Variants in SLC6A11 observed in about 807,000 individuals in gnomAD.
SLC6A11 encodes the protein sodium- and chloride-dependent GABA transporter 3.
SLC6A11 carries 25 observed loss-of-function variants against 74.8 expected under a neutral mutation model. The ratio of observed to expected loss-of-function variants is 0.33; its 90% confidence interval spans 0.24 to 0.47. The LOEUF (loss-of-function observed/expected upper bound fraction) is 0.47. Ranked by LOEUF, SLC6A11 falls within the 20% of genes least tolerant of loss-of-function variation. SLC6A11 has a pLI of 1.00. For missense variants in SLC6A11, 574 were observed against 837.0 expected, an observed-to-expected ratio of 0.69 and a Z score of 3.88; for synonymous variants, 330 against 330.2, an observed-to-expected ratio of 1.00 and a Z score of 0.01.
chr3:10,932,317 C>T (rs1224114422), intron 10 of SLC6A11, among the ~76,000 whole-genome samples: 1 of 152,140 alleles, frequency 6.6e-6, no homozygotes, highest in Non-Finnish European at 1.5e-5. Flanking sequence ...ATACCTCCTG[C>T]GTGCCAAGCC....
At chr3:10,911,995 G>C in intron 6 of SLC6A11, 95 bp from the exon 7 acceptor site, 1 of 832,348 alleles carries the variant, frequency 1.2e-6, no homozygotes, top group South Asian at 1.4e-5. Context: ...TTTTCTGAAG[G>C]GTAGAGTGTG....
At chr3:10,928,383 G>A (rs1004488494) in intron 9 of SLC6A11, among the ~76,000 whole-genome samples, 1 of 152,136 alleles carries the variant, frequency 6.6e-6, no homozygotes, top group African/African-American at 2.4e-5. Flanking sequence ...GGAGAGGGAT[G>A]GGCTGTCCTG....
At chr3:10,873,750 A>ATCCTG (rs879308504) in intron 5 of SLC6A11, among the ~76,000 whole-genome samples, 3,713 of 138,786 alleles carry the variant, frequency 0.027, 113 homozygotes, top group African/African-American at 0.074. Context: ...GTCCCATGCT[A>ATCCTG]TCCTGTCCTG....
intron 7 of SLC6A11, among the ~76,000 whole-genome samples, chr3:10,917,451 C>T (rs1391605917): frequency 6.6e-6 from 1 of 152,154 alleles, no homozygotes; most frequent in African/African-American, 2.4e-5. Flanking sequence ...GGCAGCTCCT[C>T]CCCTATAAAA....
chr3:10,873,780 GTCCTA>G (rs879748167), intron 5 of SLC6A11, among the ~76,000 whole-genome samples: 26 of 126,580 alleles, frequency 2.1e-4, no homozygotes, highest in African/African-American at 5.1e-4. Flanking sequence ...GTCCTGTCCT[GTCCTA>G]TCCTATCCTA....
intron 6 of SLC6A11, among the ~76,000 whole-genome samples, chr3:10,888,999 G>A (rs1695077110): frequency 6.6e-6 from 1 of 152,114 alleles, no homozygotes; most frequent in African/African-American, 2.4e-5. Context: ...CACATTTCCT[G>A]TTTTCTCAGA....
chr3:10,880,886 A>G (rs1179297737), intron 6 of SLC6A11, among the ~76,000 whole-genome samples: 2 of 152,086 alleles, frequency 1.3e-5, no homozygotes, highest in East Asian at 3.9e-4. Context: ...CAGCATGTAG[A>G]ATGAGTAAGA....
chr3:10,905,818 G>A (rs1695295399), intron 6 of SLC6A11, among the ~76,000 whole-genome samples: 1 of 152,132 alleles, frequency 6.6e-6, no homozygotes, highest in Non-Finnish European at 1.5e-5. Flanking sequence ...ACATTCTCAG[G>A]CTCTGCTATG....
intron 6 of SLC6A11, among the ~76,000 whole-genome samples, chr3:10,904,152 T>C (rs1273369498): frequency 6.6e-6 from 1 of 152,248 alleles, no homozygotes; most frequent in Non-Finnish European, 1.5e-5. Flanking sequence ...TCCATCATGA[T>C]GACTGTAGCT....
intron 6 of SLC6A11, among the ~76,000 whole-genome samples, chr3:10,882,049 G>A (rs1008942743): frequency 2.0e-5 from 3 of 152,192 alleles, no homozygotes; most frequent in East Asian, 1.9e-4. Flanking sequence ...CAGGGATTCT[G>A]CATGAAGGCT....
intron 7 of SLC6A11, among the ~76,000 whole-genome samples, chr3:10,913,609 G>A (rs1266486639): frequency 7.2e-5 from 11 of 152,182 alleles, no homozygotes; most frequent in Admixed American, 3.3e-4. Flanking sequence ...GATACACAGG[G>A]GGTTTATATC....
intron 7 of SLC6A11, among the ~76,000 whole-genome samples, chr3:10,912,510 G>A (rs976477417): frequency 6.6e-6 from 1 of 152,254 alleles, no homozygotes; most frequent in East Asian, 1.9e-4. Flanking sequence ...CAGTCACAGA[G>A]CTAGTATATA....
intron 5 of SLC6A11, among the ~76,000 whole-genome samples, chr3:10,859,744 G>A (rs746073292): frequency 1.3e-5 from 2 of 152,090 alleles, no homozygotes; most frequent in Non-Finnish European, 2.9e-5. Flanking sequence ...CCTCTAATAT[G>A]CCATATTTTG....
At position 10,892,191 on chromosome 3, in the gene SLC6A11, C is replaced by T. The variant is rs112302483; in HGVS notation, c.891+17096C>T. On this transcript the variant is annotated intron_variant, in intron 6 of 13. Coordinates refer to ENST00000254488, the MANE Select transcript of SLC6A11 (RefSeq NM_014229.3). ...CTTGATGTCCTTCTCTGAAAACTCA[C>T]TGGTGTGTGAATCTCATGTTCCATT... Among the ~76,000 whole-genome samples the T allele has an allele frequency of 4.1e-3, 631 of 152,376 alleles. 5 individuals carry two copies. Among genetic ancestry groups the T allele is most frequent in the African/African-American group, 0.015 (604 of 41,592 alleles).
intron 4 of SLC6A11, chr3:10,824,455 T>C (rs1198984929): frequency 6.6e-6 from 1 of 152,216 alleles, no homozygotes; most frequent in Non-Finnish European, 1.5e-5. Flanking sequence ...CTGCCTTCTC[T>C]AGAGGTCATT....
chr3:10,913,261 C>A (rs1173856698), intron 7 of SLC6A11, among the ~76,000 whole-genome samples: 1 of 151,980 alleles, frequency 6.6e-6, no homozygotes, highest in South Asian at 2.1e-4. Context: ...TAGAAAACAT[C>A]AAAAATAATT....
intron 4 of SLC6A11, among the ~76,000 whole-genome samples, chr3:10,829,296 G>T (rs967387423): frequency 6.6e-6 from 1 of 152,222 alleles, no homozygotes; most frequent in African/African-American, 2.4e-5. Context: ...TGGGGTGCCT[G>T]TGTTAGTTCT....
At position 10,841,197 on chromosome 3, in the gene SLC6A11, G is replaced by A. The variant is rs187168797; in HGVS notation, c.624-3017G>A. On this transcript the variant is annotated intron_variant, in intron 4 of 13. Coordinates refer to ENST00000254488, the MANE Select transcript of SLC6A11 (RefSeq NM_014229.3). Reference sequence around the variant, plus strand: ...CATTTCCCGCTCCCTGAACAGTGTCGGGGGAGGTCTGTCTCTGGGTCTTTT... The same window carrying A: ...CATTTCCCGCTCCCTGAACAGTGTCAGGGGAGGTCTGTCTCTGGGTCTTTT... Among the ~76,000 whole-genome samples, 23 of 152,266 alleles carry A rather than the reference G, an allele frequency of 1.5e-4. No homozygotes were observed. The East Asian group carries it at 3.9e-3, about 26-fold the overall frequency.
intron 5 of SLC6A11, 58 bp downstream of exon 5, chr3:10,844,404 T>A: frequency 6.2e-7 from 1 of 1,607,344 alleles, no homozygotes; most frequent in Non-Finnish European, 8.5e-7. Flanking sequence ...AGCTCACAGA[T>A]GACCTAGAGA....
Sources: allele counts gnomAD v4.1 joint callset (sites outside exome capture counted in the v4.1 genomes callset), GRCh38; gene constraint gnomAD v4.1.1; transcripts MANE v1.5; gene names NCBI Gene and HGNC (gene_info 2026-07-23, HGNC 2026-07-21).